The following MRPS27 variants were observed in gnomAD, a reference collection of about 807,000 sequenced individuals.
The protein encoded by MRPS27 is small ribosomal subunit protein mS27.
A neutral mutation model predicts 48.9 loss-of-function variants in MRPS27; 43 were observed. That is an observed-to-expected ratio of 0.88 (90% CI 0.69 to 1.13). MRPS27 has a LOEUF of 1.13. Ranked by LOEUF, MRPS27 falls within the 50% of genes most tolerant of loss-of-function variation. The probability of loss-of-function intolerance (pLI) is 0.00; values close to 1 mark genes in which losing one functional copy is unlikely to be tolerated. For synonymous variants in MRPS27, 188 were observed against 171.9 expected (o/e 1.09, Z -0.73); for missense variants, 467 against 476.3 (o/e 0.98, Z 0.18).
chr5:72,226,272 G>A, intron 8 of MRPS27, 73 bp from the exon 9 acceptor site: 2 of 1,565,682 alleles, frequency 1.3e-6, no homozygotes, highest in East Asian at 2.3e-5. Flanking sequence ...GGACCTGAAG[G>A]CCCAAGTGAA....
chr5:72,314,231 ATCTTCACTATCCTTTC>A, intron 1 of MRPS27, 73 bp from the exon 2 acceptor site: 4 of 1,042,086 alleles, frequency 3.8e-6, no homozygotes, highest in Non-Finnish European at 5.9e-6. Context: ...TATTAAATAT[ATCTTCACTATCCTTTC>A]AACTACTAGA....
chr5:72,296,787 T>C (rs1261260845), intron 3 of MRPS27, among the ~76,000 whole-genome samples: 2 of 152,122 alleles, frequency 1.3e-5, no homozygotes, highest in Non-Finnish European at 2.9e-5. Flanking sequence ...TATTTAACAA[T>C]ATTTTAAATT....
rs537946517 is a variant in MRPS27 at position 72,249,454 on chromosome 5, C to T, written c.282-11326G>A. On this transcript the variant is annotated intron_variant, in intron 4 of 10. Transcript: ENST00000261413. ...ATCCTGGCACTGTGGGAGGCCGAGG[C>T]GGGCAGGTCACTTGAGGTCAGGAGT... Among the ~76,000 whole-genome samples the T allele has an allele frequency of 9.3e-4, 142 of 152,294 alleles. 1 individual carries two copies. The highest frequency in any genetic ancestry group is 3.3e-3 in the African/African-American group (138 of 41,586).
At chr5:72,234,018 G>C (rs769335300) in intron 6 of MRPS27, 101 bp downstream of exon 6, 46 of 1,240,108 alleles carry the variant, frequency 3.7e-5, no homozygotes, top group Non-Finnish European at 4.1e-5. Flanking sequence ...GTAATGAAGA[G>C]ATGTTATTAA....
At chr5:72,297,744 A>G (rs1394978478) in intron 2 of MRPS27, 42 bp from the exon 3 acceptor site, 6 of 1,343,444 alleles carry the variant, frequency 4.5e-6, no homozygotes, top group Non-Finnish European at 6.1e-6. Context: ...TTAAAGATAC[A>G]TATTTTTTTA....
chr5:72,252,914 G>A (rs1748704846), intron 4 of MRPS27, among the ~76,000 whole-genome samples: 2 of 152,018 alleles, frequency 1.3e-5, no homozygotes, highest in Non-Finnish European at 2.9e-5. Flanking sequence ...TCACTGAGAG[G>A]TAAAATAAGC....
chr5:72,239,240 C>T (rs1748289211), intron 4 of MRPS27, among the ~76,000 whole-genome samples: 1 of 152,146 alleles, frequency 6.6e-6, no homozygotes, highest in African/African-American at 2.4e-5. Flanking sequence ...CAGTCTGCCT[C>T]CTGCTATTTC....
At chr5:72,310,095 T>C (rs1447731972) in intron 2 of MRPS27, among the ~76,000 whole-genome samples, 2 of 152,214 alleles carry the variant, frequency 1.3e-5, no homozygotes, top group Admixed American at 6.5e-5. Context: ...AGGGATGAAC[T>C]TGGGATTGGT....
At chr5:72,256,357 A>C (rs189135193) in intron 4 of MRPS27, among the ~76,000 whole-genome samples, 3 of 152,360 alleles carry the variant, frequency 2.0e-5, no homozygotes, top group Admixed American at 2.0e-4. Context: ...TAAAAAAAGA[A>C]TGCGTAAAAT....
At chr5:72,234,092 A>T in intron 6 of MRPS27, 27 bp downstream of exon 6, 1 of 1,479,620 alleles carries the variant, frequency 6.8e-7, no homozygotes, top group Non-Finnish European at 8.9e-7. Flanking sequence ...AGCCCTATAA[A>T]CACTGAATCT....
At chr5:72,271,925 C>T (rs1268536918) in intron 4 of MRPS27, among the ~76,000 whole-genome samples, 2 of 152,170 alleles carry the variant, frequency 1.3e-5, no homozygotes, top group African/African-American at 2.4e-5. Context: ...GGACACAAAA[C>T]AGCCATCCAA....
intron 4 of MRPS27, among the ~76,000 whole-genome samples, chr5:72,252,998 T>A (rs917652197): frequency 6.6e-6 from 1 of 152,284 alleles, no homozygotes; most frequent in Admixed American, 6.5e-5. Context: ...CTGCTAGAGT[T>A]GGGTATTTCA....
intron 5 of MRPS27, 133 bp from the exon 6 acceptor site, chr5:72,234,330 A>G (rs943396893): frequency 2.5e-5 from 20 of 792,868 alleles, no homozygotes; most frequent in Middle Eastern, 4.5e-4. Flanking sequence ...ATTTTACAGC[A>G]TCTGTGACAG....
intron 4 of MRPS27, chr5:72,294,598 C>T (rs1749927878): frequency 6.6e-6 from 1 of 152,188 alleles, no homozygotes; most frequent in East Asian, 1.9e-4. Context: ...TTGTTTCAGT[C>T]TTTTGCTACC....
intron 4 of MRPS27, among the ~76,000 whole-genome samples, chr5:72,262,810 C>T (rs1749018385): frequency 6.6e-6 from 1 of 151,418 alleles, no homozygotes; most frequent in Admixed American, 6.6e-5. Context: ...TTGCTCTGTC[C>T]CTGAGGCTAG....
intron 4 of MRPS27, among the ~76,000 whole-genome samples, chr5:72,242,703 C>CAG (rs1386334557): frequency 4.4e-4 from 65 of 148,706 alleles, no homozygotes; most frequent in African/African-American, 1.4e-3. Context: ...CACACACACA[C>CAG]ACACTCACGG....
intron 2 of MRPS27, among the ~76,000 whole-genome samples, chr5:72,298,659 T>C (rs1750044036): frequency 1.4e-5 from 2 of 146,890 alleles, no homozygotes; most frequent in South Asian, 4.3e-4. Context: ...TGAGCCGAGA[T>C]TGCGCCACTG....
At chr5:72,288,247 G>A (rs1355642838) in intron 4 of MRPS27, among the ~76,000 whole-genome samples, 2 of 149,740 alleles carry the variant, frequency 1.3e-5, no homozygotes, top group African/African-American at 2.5e-5. Flanking sequence ...TTGCTCTGTC[G>A]CCCAGGCTGG....
intron 4 of MRPS27, 37 bp from the exon 5 acceptor site, chr5:72,238,165 C>T (rs766954605): frequency 6.4e-6 from 9 of 1,404,898 alleles, no homozygotes; most frequent in Non-Finnish European, 9.1e-6. Flanking sequence ...CTGGTGTTAA[C>T]TCTTATATGT....
Sources: gnomAD v4.1 joint callset for allele counts (sites outside exome capture counted in the v4.1 genomes callset) on GRCh38, gnomAD v4.1.1 for gene constraint, MANE v1.5 for transcripts, NCBI Gene and HGNC (gene_info 2026-07-23, HGNC 2026-07-21) for gene names.